Variants in CTNNA3 observed in about 807,000 individuals in gnomAD.
CTNNA3 encodes the protein catenin alpha-3.
CTNNA3 carries 76 observed loss-of-function variants against 95.7 expected under a neutral mutation model. That is an observed-to-expected ratio of 0.79 (90% CI 0.66 to 0.96). The LOEUF (loss-of-function observed/expected upper bound fraction) is 0.96, where lower values mean the gene tolerates loss of function less well. Among genes scored for constraint, CTNNA3 ranks in the 40% least tolerant of loss-of-function variants. CTNNA3 has a pLI of 0.00. For missense variants in CTNNA3, 1,191 were observed against 1,089.8 expected (o/e 1.09, Z -1.31); for synonymous variants, 431 against 374.4 (o/e 1.15, Z -1.74).
intron 17 of CTNNA3, among the ~76,000 whole-genome samples, chr10:65,950,868 C>G (rs903829342): frequency 1.3e-5 from 2 of 152,078 alleles, no homozygotes; most frequent in African/African-American, 2.4e-5. Flanking sequence ...CCCTTCATTT[C>G]TTTCCTTCCC....
intron 9 of CTNNA3, among the ~76,000 whole-genome samples, chr10:66,688,971 A>G (rs1267688996): frequency 1.3e-5 from 2 of 152,024 alleles, no homozygotes; most frequent in African/African-American, 4.8e-5. Flanking sequence ...CTCAAAAAAA[A>G]AAAAAAAAAG....
chr10:65,987,973 T>A (rs1227188194), intron 16 of CTNNA3, among the ~76,000 whole-genome samples: 2 of 152,016 alleles, frequency 1.3e-5, no homozygotes, highest in Admixed American at 1.3e-4. Flanking sequence ...ATGTGAGAGT[T>A]TTAAAAGTTG....
At chr10:66,796,741 G>A (rs986911792) in intron 7 of CTNNA3, among the ~76,000 whole-genome samples, 1 of 151,938 alleles carries the variant, frequency 6.6e-6, no homozygotes, top group African/African-American at 2.4e-5. Flanking sequence ...AGACCAAGTA[G>A]GTATTAACAA....
At chr10:66,527,566 A>G (rs1841312713) in intron 10 of CTNNA3, among the ~76,000 whole-genome samples, 1 of 151,980 alleles carries the variant, frequency 6.6e-6, no homozygotes, top group Non-Finnish European at 1.5e-5. Flanking sequence ...TCTGTTTTTT[A>G]TGTCTTCTTT....
intron 12 of CTNNA3, among the ~76,000 whole-genome samples, chr10:66,297,156 T>C (rs1486987406): frequency 6.6e-6 from 1 of 152,110 alleles, no homozygotes; most frequent in African/African-American, 2.4e-5. Context: ...AGAATGGCAG[T>C]AGATGTGGGG....
intron 7 of CTNNA3, among the ~76,000 whole-genome samples, chr10:67,042,779 A>G (rs888994184): frequency 1.2e-4 from 18 of 152,178 alleles, no homozygotes; most frequent in African/African-American, 4.3e-4. Flanking sequence ...TTCAGAACAA[A>G]GAAGTCCATG....
chr10:66,649,887 C>A (rs1332536825), intron 9 of CTNNA3, among the ~76,000 whole-genome samples: 1 of 152,184 alleles, frequency 6.6e-6, no homozygotes, highest in African/African-American at 2.4e-5. Flanking sequence ...CCAGGTTAAG[C>A]CCCACAGACT....
At chr10:66,445,841 A>G (rs1199520664) in intron 11 of CTNNA3, among the ~76,000 whole-genome samples, 1 of 152,136 alleles carries the variant, frequency 6.6e-6, no homozygotes, top group Non-Finnish European at 1.5e-5. Flanking sequence ...AACTGAAGGA[A>G]ATAGACACAT....
intron 1 of CTNNA3, among the ~76,000 whole-genome samples, chr10:67,734,953 T>C (rs533427883): frequency 6.6e-6 from 1 of 152,338 alleles, no homozygotes; most frequent in Non-Finnish European, 1.5e-5. Flanking sequence ...TATGGAAATG[T>C]CTTTAAGATA....
At chr10:66,644,302 CTCTCTATA>C (rs1168734206) in intron 9 of CTNNA3, among the ~76,000 whole-genome samples, 15 of 85,636 alleles carry the variant, frequency 1.8e-4, no homozygotes, top group East Asian at 8.1e-4. Context: ...GTCTCTCTCT[CTCTCTATA>C]TATATATATA....
At chr10:67,555,724 T>C (rs982445667) in intron 3 of CTNNA3, among the ~76,000 whole-genome samples, 2 of 152,186 alleles carry the variant, frequency 1.3e-5, no homozygotes, top group Non-Finnish European at 2.9e-5. Context: ...ACTTCCTCTT[T>C]TCCTAATTGA....
At chr10:66,691,043 G>A (rs1320336366) in intron 9 of CTNNA3, among the ~76,000 whole-genome samples, 1 of 152,206 alleles carries the variant, frequency 6.6e-6, no homozygotes, top group African/African-American at 2.4e-5. Flanking sequence ...CAGAAGACGG[G>A]TGATTTCTGC....
chr10:66,960,754 G>A (rs1295648226), intron 7 of CTNNA3, among the ~76,000 whole-genome samples: 3 of 152,146 alleles, frequency 2.0e-5, no homozygotes, highest in African/African-American at 4.8e-5. Context: ...GAATGGCATA[G>A]GATCTATGGT....
At chr10:67,052,347 TC>T (rs201657871) in intron 7 of CTNNA3, among the ~76,000 whole-genome samples, 3,218 of 133,744 alleles carry the variant, frequency 0.024, 93 homozygotes, top group African/African-American at 0.064. Flanking sequence ...TCTCTCTCTC[TC>T]TCTCTCATTA....
intron 9 of CTNNA3, among the ~76,000 whole-genome samples, chr10:66,715,232 A>G (rs1464445865): frequency 1.3e-5 from 2 of 152,116 alleles, no homozygotes; most frequent in Non-Finnish European, 2.9e-5. Context: ...CCAGCTCTTT[A>G]AAAGGAAAGA....
chr10:66,957,433 T>TATATAC (rs1564794029), intron 7 of CTNNA3, among the ~76,000 whole-genome samples: 17 of 118,128 alleles, frequency 1.4e-4, no homozygotes, highest in African/African-American at 4.6e-4. Flanking sequence ...TATATGCATA[T>TATATAC]ATATATATGC....
intron 11 of CTNNA3, among the ~76,000 whole-genome samples, chr10:66,509,037 CA>C (rs1267101526): frequency 3.3e-5 from 5 of 152,092 alleles, no homozygotes; most frequent in African/African-American, 1.2e-4. Context: ...TCTGCATCAA[CA>C]CCAGCGTTTG....
At chr10:67,359,134 G>T (rs575584697) in intron 5 of CTNNA3, among the ~76,000 whole-genome samples, 1 of 151,454 alleles carries the variant, frequency 6.6e-6, no homozygotes, top group African/African-American at 2.4e-5. Context: ...ACAGAGCCTT[G>T]GTTCTCTGAA....
intron 14 of CTNNA3, among the ~76,000 whole-genome samples, chr10:66,091,845 T>A (rs573312407): frequency 1.3e-4 from 20 of 151,734 alleles, no homozygotes; most frequent in Non-Finnish European, 2.1e-4. Context: ...GAAAAAAAAA[T>A]GGTCACCAAG....
Sources: allele counts gnomAD v4.1 joint callset (sites outside exome capture counted in the v4.1 genomes callset), GRCh38; gene constraint gnomAD v4.1.1; transcripts MANE v1.5; gene names NCBI Gene and HGNC (gene_info 2026-07-23, HGNC 2026-07-21).